Variants in SANBR observed in about 807,000 individuals in gnomAD.
SANBR encodes the protein SANT and BTB domain regulator of CSR.
A neutral mutation model predicts 101.8 loss-of-function variants in SANBR; 77 were observed. That is an observed-to-expected ratio of 0.76 (90% CI 0.63 to 0.91). The LOEUF (loss-of-function observed/expected upper bound fraction) is 0.91, where lower values mean the gene tolerates loss of function less well. SANBR is among the 40% of genes least tolerant of loss of function. The pLI, the probability that SANBR is intolerant of heterozygous loss-of-function variation, is 0.00. For missense variants in SANBR, 875 were observed against 853.0 expected, an observed-to-expected ratio of 1.03 and a Z score of -0.32; for synonymous variants, 279 against 274.7, an observed-to-expected ratio of 1.02 and a Z score of -0.15.
At chr2:61,104,287 C>T (rs1455272712) in intron 13 of SANBR, among the ~76,000 whole-genome samples, 1 of 151,754 alleles carries the variant, frequency 6.6e-6, no homozygotes, top group Non-Finnish European at 1.5e-5. Flanking sequence ...TCGAGAGCAT[C>T]CTGGCTAACA....
intron 14 of SANBR, 41 bp from the exon 15 acceptor site, chr2:61,108,275 AG>A (rs1683668473): frequency 1.3e-5 from 17 of 1,330,786 alleles, no homozygotes; most frequent in Non-Finnish European, 1.8e-5. Flanking sequence ...GCTGCAATCT[AG>A]GTAAATGCAG....
intron 5 of SANBR, among the ~76,000 whole-genome samples, chr2:61,075,535 A>G (rs1573589879): frequency 6.6e-6 from 1 of 152,248 alleles, no homozygotes; most frequent in African/African-American, 2.4e-5. Context: ...CTGGGATTGC[A>G]GGCGTCAGCC....
intron 15 of SANBR, among the ~76,000 whole-genome samples, 157 bp downstream of exon 15, chr2:61,108,506 A>G (rs1025358726): frequency 5.9e-5 from 9 of 152,234 alleles, no homozygotes; most frequent in Non-Finnish European, 1.0e-4. Context: ...TAAAAATGCC[A>G]TTAAATTATT....
rs1376595294 is a variant in SANBR, at chr2:61,122,601, C to T, written c.*439C>T. On this transcript the variant is annotated 3_prime_UTR_variant, in exon 22 of 22. Coordinates refer to ENST00000402291, the MANE Select transcript of SANBR (RefSeq NM_001129993.3). ...AATCTTGAGATAGCATTGAGAACTG[C>T]AGGTTGTGTGACGAAATTCCCAATG... 1 of 987,388 alleles carries T rather than the reference C, an allele frequency of 1.0e-6. No homozygotes were observed. Among genetic ancestry groups the T allele is most frequent in the African/African-American group, 1.7e-5 (1 of 57,248 alleles). 61.2% of individuals were successfully genotyped at this position (987,388 alleles called of 1,614,324 possible).
At chr2:61,078,037 T>C (rs1681882953) in intron 6 of SANBR, among the ~76,000 whole-genome samples, 1 of 152,220 alleles carries the variant, frequency 6.6e-6, no homozygotes, top group Non-Finnish European at 1.5e-5. Context: ...ATACCTGACT[T>C]TTCTGATGAG....
chr2:61,132,930 T>TTTAC (rs1219865423), intron 20 of SANBR, among the ~76,000 whole-genome samples: 419 of 152,308 alleles, frequency 2.8e-3, no homozygotes, highest in African/African-American at 9.4e-3. Flanking sequence ...AATGGGTAAA[T>TTTAC]CCATAGCAAC....
chr2:61,098,904 T>C (rs566284350), intron 12 of SANBR, among the ~76,000 whole-genome samples: 1 of 152,226 alleles, frequency 6.6e-6, no homozygotes, highest in East Asian at 1.9e-4. Flanking sequence ...CCCAAAGAAA[T>C]GTTTGAAGAC....
intron 13 of SANBR, among the ~76,000 whole-genome samples, chr2:61,105,878 G>T (rs1683537142): frequency 6.6e-6 from 1 of 151,022 alleles, no homozygotes; most frequent in South Asian, 2.1e-4. Context: ...CGCCATGTTG[G>T]CCAATATGGT....
chr2:61,109,677 G>GTTTTTTTTTTTTTTTT (rs1363427197), intron 16 of SANBR, among the ~76,000 whole-genome samples: 3 of 109,494 alleles, frequency 2.7e-5, no homozygotes, highest in Non-Finnish European at 3.9e-5. Context: ...TTTTTTTTGT[G>GTTTTTTTTTTTTTTTT]TTTGTTTTTT....
At chr2:61,115,229 T>G (rs1684016260) in intron 16 of SANBR, among the ~76,000 whole-genome samples, 1 of 152,172 alleles carries the variant, frequency 6.6e-6, no homozygotes, top group Admixed American at 6.5e-5. Flanking sequence ...TAATAGATGC[T>G]ATTCAAGTTT....
At chr2:61,111,459 C>G (rs1683828317) in intron 16 of SANBR, among the ~76,000 whole-genome samples, 1 of 152,194 alleles carries the variant, frequency 6.6e-6, no homozygotes, top group Non-Finnish European at 1.5e-5. Flanking sequence ...CGTAATTTTT[C>G]TTAACATCTC....
At chr2:61,085,325 G>T (rs1319601134) in intron 8 of SANBR, among the ~76,000 whole-genome samples, 2 of 151,838 alleles carry the variant, frequency 1.3e-5, no homozygotes, top group African/African-American at 4.8e-5. Flanking sequence ...ATGAGGTAGG[G>T]GTCAAGGTTC....
In SANBR at chr2:61,088,454, C is replaced by G. The variant is rs150288611; in HGVS notation, c.1074C>G (p.Val358=). The part of the protein sequence containing the change: ...KINVDRRGNI[V]YIHIRDKTWD... ...ATGTGGATCGACGTGGAAATATTGT[C>G]TATATTCACATAAGGTGTCGTGAAG... The change falls in exon 10 of 22, where the codon GTC becomes GTG. Residue 358 remains valine, a synonymous_variant. Transcript: ENST00000402291. The G allele has an allele frequency of 1.1e-5, 18 of 1,600,824 alleles. No homozygotes were observed. The highest frequency in any genetic ancestry group is 9.4e-5 in the African/African-American group (7 of 74,534).
intron 12 of SANBR, among the ~76,000 whole-genome samples, chr2:61,102,321 C>T (rs1048163314): frequency 4.5e-5 from 6 of 132,208 alleles, no homozygotes; most frequent in Non-Finnish European, 7.7e-5. Flanking sequence ...GACCCGCGAT[C>T]GTACCACTGC....
intron 5 of SANBR, among the ~76,000 whole-genome samples, chr2:61,073,883 T>C (rs1238696570): frequency 6.6e-6 from 1 of 152,122 alleles, no homozygotes; most frequent in Non-Finnish European, 1.5e-5. Flanking sequence ...CTAAAGAAAT[T>C]GGATGTGTAT....
Position 61,123,753 on chromosome 2 carries a change from G to A in SANBR, c.*1591G>A. The A allele has an allele frequency of 1.0e-6, 1 of 985,508 alleles. No homozygotes were observed. The highest frequency in any genetic ancestry group is 1.2e-6 in the Non-Finnish European group (1 of 829,902). 61.0% of individuals were successfully genotyped at this position (985,508 alleles called of 1,614,324 possible). A position where few individuals can be genotyped will look rare whatever the true frequency, so the allele number is the denominator to read the frequency against. On this transcript the variant is annotated 3_prime_UTR_variant, in exon 22 of 22. Coordinates refer to ENST00000402291, the MANE Select transcript of SANBR (RefSeq NM_001129993.3). ...TCTCCCCTGGGAGGCCTATACCACTGAATTAATTTTTACAAACCAGAGTTT... is the reference window on the plus strand; with the variant it reads ...TCTCCCCTGGGAGGCCTATACCACTAAATTAATTTTTACAAACCAGAGTTT...
intron 16 of SANBR, among the ~76,000 whole-genome samples, chr2:61,113,944 C>A (rs776540477): frequency 6.6e-6 from 1 of 152,102 alleles, no homozygotes; most frequent in Non-Finnish European, 1.5e-5. Context: ...GTTTTTATAG[C>A]GAATAGGTGT....
downstream of SANBR, among the ~76,000 whole-genome samples, chr2:61,127,486 C>T (rs1684547318): frequency 6.6e-6 from 1 of 152,156 alleles, no homozygotes; most frequent in Non-Finnish European, 1.5e-5. Flanking sequence ...ATAAGCTGAC[C>T]TGATGGCCAC....
At chr2:61,076,086 C>T (rs946103308) in intron 5 of SANBR, among the ~76,000 whole-genome samples, 10 of 151,452 alleles carry the variant, frequency 6.6e-5, no homozygotes, top group South Asian at 6.2e-4. Context: ...CTCCGCCTCC[C>T]GAGTTCACAC....
Sources: gnomAD v4.1 joint callset for allele counts (sites outside exome capture counted in the v4.1 genomes callset) on GRCh38, gnomAD v4.1.1 for gene constraint, MANE v1.5 for transcripts, NCBI Gene and HGNC (gene_info 2026-07-23, HGNC 2026-07-21) for gene names.